Variants in LRRIQ1 observed in about 807,000 individuals in gnomAD.
LRRIQ1 encodes the protein leucine-rich repeat- and IQ domain-containing protein 1.
A neutral mutation model predicts 211.9 loss-of-function variants in LRRIQ1; 210 were observed. The observed-to-expected ratio is 0.99, with a 90% CI of 0.89 to 1.11. LRRIQ1 has a LOEUF of 1.11. Among genes scored for constraint, LRRIQ1 ranks in the 50% most tolerant of loss-of-function variants. The pLI, the probability that LRRIQ1 is intolerant of heterozygous loss-of-function variation, is 0.00. For synonymous variants in LRRIQ1, 699 were observed against 650.1 expected, an observed-to-expected ratio of 1.08 and a Z score of -1.14; for missense variants, 2,136 against 1,939.5, an observed-to-expected ratio of 1.10 and a Z score of -1.90.
chr12:85,218,353 G>C (rs889838906), intron 24 of LRRIQ1, among the ~76,000 whole-genome samples: 4 of 151,654 alleles, frequency 2.6e-5, no homozygotes, highest in African/African-American at 9.7e-5. Context: ...TTGGCCTTTG[G>C]CACTTGAGAT....
chr12:85,131,021 C>T (rs1298596087), intron 18 of LRRIQ1, among the ~76,000 whole-genome samples: 1 of 149,380 alleles, frequency 6.7e-6, no homozygotes, highest in Admixed American at 6.7e-5. Context: ...ACCAGTCTGG[C>T]CAACGTGGTG....
At chr12:85,089,971 A>G (rs951782229) in intron 11 of LRRIQ1, among the ~76,000 whole-genome samples, 2 of 152,172 alleles carry the variant, frequency 1.3e-5, no homozygotes, top group Non-Finnish European at 2.9e-5. Context: ...GCCTAGGAGG[A>G]CTGAATGGTT....
At chr12:85,129,358 T>C (rs897088528) in intron 18 of LRRIQ1, among the ~76,000 whole-genome samples, 1 of 152,176 alleles carries the variant, frequency 6.6e-6, no homozygotes, top group Admixed American at 6.6e-5. Flanking sequence ...TCGTGTTAAA[T>C]GATAGTAATT....
At chr12:85,203,084 T>C (rs1592965478) in intron 24 of LRRIQ1, among the ~76,000 whole-genome samples, 1 of 152,254 alleles carries the variant, frequency 6.6e-6, no homozygotes, top group Non-Finnish European at 1.5e-5. Context: ...TGGGAGATAA[T>C]TGTATCATAG....
chr12:85,153,382 G>A (rs936534563), intron 21 of LRRIQ1, among the ~76,000 whole-genome samples: 2 of 151,432 alleles, frequency 1.3e-5, no homozygotes, highest in African/African-American at 4.8e-5. Flanking sequence ...ATTAATTATT[G>A]TAAACAAGTG....
intron 18 of LRRIQ1, among the ~76,000 whole-genome samples, chr12:85,129,935 G>A (rs1211140319): frequency 6.6e-6 from 1 of 152,178 alleles, no homozygotes; most frequent in South Asian, 2.1e-4. Context: ...AGTATCAGCA[G>A]CGGAGGTGGT....
At chr12:85,104,145 G>T (rs994112223) in intron 14 of LRRIQ1, 68 bp downstream of exon 14, 5 of 801,110 alleles carry the variant, frequency 6.2e-6, no homozygotes, top group Non-Finnish European at 9.0e-6. Context: ...TATGATAAGG[G>T]GTTGTTTTAA....
At chr12:85,187,048 G>T (rs1472856044) in intron 24 of LRRIQ1, among the ~76,000 whole-genome samples, 1 of 151,988 alleles carries the variant, frequency 6.6e-6, no homozygotes, top group Non-Finnish European at 1.5e-5. Context: ...ACTGTAAAGG[G>T]CATATCACAA....
chr12:85,244,329 A>G lies in LRRIQ1; in HGVS notation c.5017-460A>G, dbSNP rs553364877. The stretch of plus-strand genomic sequence containing the variant: ...TAAAGATGGTCTGTAGCTTAATTGT[A>G]TGCAAGCATAGGGTGAAAGGCATTT... On this transcript the variant is annotated intron_variant, in intron 26 of 26. Coordinates refer to ENST00000393217, the MANE Select transcript of LRRIQ1 (RefSeq NM_001079910.2). Among the ~76,000 whole-genome samples the G allele has an allele frequency of 8.8e-4, 134 of 151,718 alleles. 1 individual carries two copies. The highest frequency in any genetic ancestry group is 3.4e-3 in the Middle Eastern group (1 of 294).
chr12:85,089,992 G>C (rs751368367), intron 11 of LRRIQ1, among the ~76,000 whole-genome samples: 1 of 152,204 alleles, frequency 6.6e-6, no homozygotes, highest in Non-Finnish European at 1.5e-5. Flanking sequence ...TCCTCAGCGA[G>C]GCCAAGGGCC....
Position 85,047,355 on chromosome 12 carries a change from C to A in LRRIQ1, c.563C>A (p.Thr188Asn). 1 of 1,606,198 alleles carries A rather than the reference C, an allele frequency of 6.2e-7. No homozygotes were observed. Among genetic ancestry groups the A allele is most frequent in the Non-Finnish European group, 8.5e-7 (1 of 1,173,250 alleles). The part of the protein sequence containing the change: ...QKELEDKEKQ[T>N]LKAQRDREEK... ...GAATTAGAAGATAAAGAGAAACAAA[C>A]TCTCAAAGCTCAGAGGGATAGAGAA... The change falls in exon 6 of 27, where the codon ACT (threonine) becomes AAT (asparagine). Residue 188 changes from threonine to asparagine, a missense_variant. By Grantham distance (65) the Thr-to-Asn change is moderately conservative. Coordinates refer to ENST00000393217, the MANE Select transcript of LRRIQ1 (RefSeq NM_001079910.2).
At chr12:85,045,601 A>AT (rs1273906790) in intron 4 of LRRIQ1, among the ~76,000 whole-genome samples, 3 of 152,080 alleles carry the variant, frequency 2.0e-5, no homozygotes, top group African/African-American at 7.2e-5. Flanking sequence ...ATGTATATAT[A>AT]ATTTAGGTTA....
downstream of LRRIQ1, among the ~76,000 whole-genome samples, chr12:85,265,608 C>T (rs993603819): frequency 2.6e-5 from 4 of 151,998 alleles, no homozygotes; most frequent in African/African-American, 9.7e-5. Flanking sequence ...CTGTGCAACA[C>T]ATTAGCCACT....
chr12:85,185,569 G>A (rs1233842816), intron 24 of LRRIQ1, among the ~76,000 whole-genome samples: 1 of 151,812 alleles, frequency 6.6e-6, no homozygotes, highest in Admixed American at 6.6e-5. Flanking sequence ...AACTAGAGAT[G>A]TTTTAAACAT....
intron 26 of LRRIQ1, among the ~76,000 whole-genome samples, chr12:85,240,522 CTT>C (rs1251645866): frequency 6.6e-6 from 1 of 152,064 alleles, no homozygotes; most frequent in Non-Finnish European, 1.5e-5. Context: ...GAGAAGTGGA[CTT>C]TCATTCAAAC....
chr12:85,078,057 G>A (rs189240510), intron 11 of LRRIQ1, among the ~76,000 whole-genome samples: 39 of 151,746 alleles, frequency 2.6e-4, no homozygotes, highest in South Asian at 1.5e-3. Flanking sequence ...TCTAGAACCC[G>A]CCCACCCCTT....
intron 17 of LRRIQ1, among the ~76,000 whole-genome samples, chr12:85,126,079 A>G (rs928245117): frequency 2.6e-5 from 4 of 152,174 alleles, no homozygotes; most frequent in African/African-American, 9.6e-5. Flanking sequence ...CATGATGATG[A>G]TCATGGAGTT....
Position 85,124,143 on chromosome 12 carries a change from T to A in LRRIQ1, c.3631T>A (p.Tyr1211Asn), listed in dbSNP as rs529819123. The A allele has an allele frequency of 4.3e-6, 7 of 1,613,948 alleles. No individual in the cohort carries two copies. The highest frequency in any genetic ancestry group is 5.9e-6 in the Non-Finnish European group (7 of 1,179,980). ...GAAATTGATGATACTTAGTACTGAA[T>A]ACCGACATGCACACGAACGAGGGGA... is the stretch of plus-strand genomic sequence containing the variant. ...FKKLMILSTEYRHAHERGDVT... is the reference protein window; with the variant it reads ...FKKLMILSTENRHAHERGDVT... The change falls in exon 17 of 27, where the codon TAC becomes AAC. Residue 1211 changes from tyrosine (Y) to asparagine (N), a missense_variant. Transcript: ENST00000393217.
At chr12:85,125,903 C>A (rs994605712) in intron 17 of LRRIQ1, among the ~76,000 whole-genome samples, 7 of 151,804 alleles carry the variant, frequency 4.6e-5, no homozygotes, top group African/African-American at 1.7e-4. Context: ...AACTAAAGAC[C>A]CAAAGAATAA....
Sources: gnomAD v4.1 joint callset for allele counts (sites outside exome capture counted in the v4.1 genomes callset) on GRCh38, gnomAD v4.1.1 for gene constraint, MANE v1.5 for transcripts, NCBI Gene and HGNC (gene_info 2026-07-23, HGNC 2026-07-21) for gene names.